NANS: variants seen among roughly 807,000 people sequenced by gnomAD.
NANS encodes the protein N-acetylneuraminate-9-phosphate synthase.
A neutral mutation model predicts 33.3 loss-of-function variants in NANS; 29 were observed. The observed-to-expected ratio is 0.87, with a 90% confidence interval of 0.65 to 1.19. NANS has a LOEUF of 1.19. NANS is among the 50% of genes most tolerant of loss of function. The pLI, the probability that NANS is intolerant of heterozygous loss-of-function variation, is 0.00. For missense variants in NANS, 394 were observed against 461.1 expected (o/e 0.85, Z 1.33); for synonymous variants, 163 against 177.2 (o/e 0.92, Z 0.64).
chr9:98,079,146 G>A (rs771848671), intron 4 of NANS, among the ~76,000 whole-genome samples: 12 of 152,090 alleles, frequency 7.9e-5, no homozygotes, highest in Non-Finnish European at 1.3e-4. Context: ...GTCCCAAGTC[G>A]GGAAGCCTGA....
intron 2 of NANS, 129 bp from the exon 3 acceptor site, chr9:98,076,789 T>G: frequency 1.5e-6 from 1 of 680,906 alleles, no homozygotes; most frequent in South Asian, 1.8e-5. Flanking sequence ...TTGCCTGCTT[T>G]CAAGTTGCTG....
chr9:98,070,871 C>A (rs1259716578), intron 2 of NANS, among the ~76,000 whole-genome samples: 1 of 150,150 alleles, frequency 6.7e-6, no homozygotes, highest in East Asian at 1.9e-4. Flanking sequence ...GCAGCACAAT[C>A]ATAGCTCATA....
chr9:98,060,720 A>G, intron 1 of NANS, 62 bp from the exon 2 acceptor site: 1 of 1,509,446 alleles, frequency 6.6e-7, no homozygotes, highest in East Asian at 2.3e-5. Context: ...TTGCTCCAGA[A>G]TTTTTTCCTT....
At chr9:98,078,091 G>A (rs1829671065) in intron 3 of NANS, 102 bp from the exon 4 acceptor site, 2 of 1,525,328 alleles carry the variant, frequency 1.3e-6, no homozygotes, top group African/African-American at 1.4e-5. Context: ...AGAGATGTCT[G>A]TGGAGTTCAG....
chr9:98,073,431 C>G (rs892038897), intron 2 of NANS, among the ~76,000 whole-genome samples: 4 of 151,652 alleles, frequency 2.6e-5, no homozygotes, highest in South Asian at 2.1e-4. Context: ...ATTACAGACA[C>G]ACACCAACAC....
chr9:98,071,823 C>T (rs544255983), intron 2 of NANS, among the ~76,000 whole-genome samples: 2 of 152,302 alleles, frequency 1.3e-5, no homozygotes, highest in East Asian at 1.9e-4. Flanking sequence ...TTTCTGCTTC[C>T]GTCCACGTTT....
chr9:98,073,590 C>CTT (rs34969073), intron 2 of NANS, among the ~76,000 whole-genome samples: 81 of 141,698 alleles, frequency 5.7e-4, no homozygotes, highest in African/African-American at 1.7e-3. Flanking sequence ...GCCTGGGCTT[C>CTT]TTTTTTTTTT....
At chr9:98,081,883 AAT>A (rs1228475954) in intron 5 of NANS, 1 of 152,204 alleles carries the variant, frequency 6.6e-6, no homozygotes, top group African/African-American at 2.4e-5. Flanking sequence ...AGTAAAAAGA[AAT>A]AGTTTCTTTA....
rs566268773 is a variant in NANS, at chr9:98,067,734, T to G, written c.348+6737T>G. ...TTGTCTTTTTCACTTTCTTTTTTTT[T>G]TGTGAGATACGGTCTTGCTCTGTCG... is the stretch of plus-strand genomic sequence containing the variant. On this transcript the variant is annotated intron_variant, in intron 2 of 5. Transcript: ENST00000210444. 1.2e-3 allele frequency among the ~76,000 whole-genome samples: 189 copies of G among 152,298 alleles called. 1 individual carries two copies. Among genetic ancestry groups the G allele is most frequent in the Non-Finnish European group, 2.3e-3 (154 of 68,022 alleles).
At chr9:98,058,705 T>C (rs1312005192) in intron 1 of NANS, among the ~76,000 whole-genome samples, 1 of 152,170 alleles carries the variant, frequency 6.6e-6, no homozygotes. Flanking sequence ...GAAGGCAGAT[T>C]GCTTGAGCTC....
intron 2 of NANS, among the ~76,000 whole-genome samples, chr9:98,070,569 C>T (rs929372554): frequency 5.3e-5 from 8 of 151,722 alleles, no homozygotes; most frequent in Non-Finnish European, 1.0e-4. Context: ...TATAGGTACC[C>T]GCCACCACAC....
At chr9:98,074,285 CAG>C (rs1479126078) in intron 2 of NANS, among the ~76,000 whole-genome samples, 1 of 152,168 alleles carries the variant, frequency 6.6e-6, no homozygotes, top group Admixed American at 6.5e-5. Flanking sequence ...GAGCTCCCTT[CAG>C]ACTCCCACAG....
At chr9:98,076,801 G>A (rs1417819939) in intron 2 of NANS, 117 bp from the exon 3 acceptor site, 5 of 729,442 alleles carry the variant, frequency 6.9e-6, no homozygotes, top group Non-Finnish European at 9.1e-6. Context: ...AAGTTGCTGA[G>A]CGTCCCTCTA....
rs768320257 is a variant in NANS at position 98,056,921 on chromosome 9, G to A, written c.113G>A (p.Arg38His). ...CAGGGCGACCTGGACGTAGCCAAGC[G>A]CATGATCCGCATGGCCAAGGTGAGG... ...NHQGDLDVAK[R>H]MIRMAKECGA... The change falls in exon 1 of 6, where the codon CGC becomes CAC. Residue 38 changes from arginine to histidine, a missense_variant. Physicochemically the swap from Arg to His is conservative, Grantham distance 29. Coordinates refer to ENST00000210444, the MANE Select transcript of NANS (RefSeq NM_018946.4). 4.4e-6 allele frequency: 7 copies of A among 1,603,934 alleles called. No homozygotes were observed. The highest frequency in any genetic ancestry group is 1.4e-5 in the African/African-American group (1 of 73,456).
Position 98,059,367 on chromosome 9 carries a change from A to G in NANS, c.133-1415A>G, listed in dbSNP as rs151265112. On this transcript the variant is annotated intron_variant, in intron 1 of 5. Coordinates refer to ENST00000210444, the MANE Select transcript of NANS (RefSeq NM_018946.4). ...CATGAATACCTCTGTGTCTACAGAA[A>G]TGGCCGTGAGATGGGACTTTAGTGG... Among the ~76,000 whole-genome samples, 147 of 152,254 alleles carry G rather than the reference A, an allele frequency of 9.7e-4. 1 individual carries two copies. Among genetic ancestry groups the G allele is most frequent in the South Asian group, 5.8e-3 (28 of 4,828 alleles).
intron 2 of NANS, 33 bp from the exon 3 acceptor site, chr9:98,076,885 G>A (rs771325573): frequency 5.2e-6 from 8 of 1,543,746 alleles, no homozygotes; most frequent in Middle Eastern, 1.7e-4. Context: ...TTTGGACAAT[G>A]GTGAAAAGGA....
chr9:98,080,926 C>T lies in NANS; in HGVS notation c.714C>T (p.His238=). Residue 238 remains histidine (H), a synonymous_variant, in exon 5 of 6, where the codon CAC becomes CAT. Coordinates refer to ENST00000210444, the MANE Select transcript of NANS (RefSeq NM_018946.4). The part of the protein sequence containing the change: ...VALGAKVLER[H]ITLDKTWKGS... ...TGGGGGCCAAGGTGTTGGAACGTCA[C>T]ATAACTTTGGACAAGACCTGGAAGG... 4 of 1,614,230 alleles carry T rather than the reference C, an allele frequency of 2.5e-6. No homozygotes were observed. The highest frequency in any genetic ancestry group is 1.1e-5 in the South Asian group (1 of 91,088).
At chr9:98,064,258 A>G (rs1319188913) in intron 2 of NANS, among the ~76,000 whole-genome samples, 1 of 145,740 alleles carries the variant, frequency 6.9e-6, no homozygotes, top group Non-Finnish European at 1.5e-5. Context: ...CTAATTCCCT[A>G]TTTTTTTTTT....
At chr9:98,071,220 C>T (rs779647486) in intron 2 of NANS, among the ~76,000 whole-genome samples, 5 of 152,184 alleles carry the variant, frequency 3.3e-5, no homozygotes, top group Admixed American at 1.3e-4. Context: ...TATGATGGCA[C>T]GACTGTATGG....
Sources: gnomAD v4.1 joint callset for allele counts (sites outside exome capture counted in the v4.1 genomes callset) on GRCh38, gnomAD v4.1.1 for gene constraint, MANE v1.5 for transcripts, NCBI Gene and HGNC (gene_info 2026-07-23, HGNC 2026-07-21) for gene names.